VPS13B: variants seen among roughly 807,000 people sequenced by gnomAD.
The protein encoded by VPS13B is vacuolar protein sorting 13 homolog B, also known as intermembrane lipid transfer protein VPS13B.
In VPS13B, 285 loss-of-function variants were observed where a neutral mutation model predicts 426.4. The ratio of observed to expected loss-of-function variants is 0.67; its 90% CI spans 0.61 to 0.74. The LOEUF (loss-of-function observed/expected upper bound fraction) is 0.74. Among genes scored for constraint, VPS13B ranks in the 30% least tolerant of loss-of-function variants. VPS13B has a pLI of 0.00. For missense variants in VPS13B, 4,537 were observed against 4,782.6 expected (o/e 0.95, Z 1.51); for synonymous variants, 1,676 against 1,676.4 (o/e 1.00, Z 0.01).
chr8:99,280,271 G>A (rs1455540860), intron 19 of VPS13B, among the ~76,000 whole-genome samples: 1 of 151,964 alleles, frequency 6.6e-6, no homozygotes, highest in Admixed American at 6.6e-5. Flanking sequence ...CAAGATCTCA[G>A]CTCAACTACT....
chr8:99,570,654 A>T (rs1240100011), intron 31 of VPS13B, among the ~76,000 whole-genome samples: 1 of 152,010 alleles, frequency 6.6e-6, no homozygotes, highest in Non-Finnish European at 1.5e-5. Context: ...TTTTATTATC[A>T]AAAGTTCTTG....
At chr8:99,514,617 T>C (rs1204456586) in intron 29 of VPS13B, among the ~76,000 whole-genome samples, 1 of 152,246 alleles carries the variant, frequency 6.6e-6, no homozygotes, top group Middle Eastern at 3.2e-3. Flanking sequence ...CAGAACTTCA[T>C]TCCTTGCTAT....
intron 61 of VPS13B, among the ~76,000 whole-genome samples, chr8:99,871,934 CCAG>C (rs1205110478): frequency 2.0e-5 from 3 of 152,362 alleles, no homozygotes; most frequent in Middle Eastern, 3.4e-3. Context: ...CAGCAGGCGG[CCAG>C]CAGGACTCAA....
At chr8:99,511,082 T>C (rs765602087) in intron 28 of VPS13B, 22 bp from the exon 29 acceptor site, 1 of 1,610,156 alleles carries the variant, frequency 6.2e-7, no homozygotes, top group South Asian at 1.1e-5. Context: ...CTGTGTATTG[T>C]GATTTCCTTT....
chr8:99,016,419 T>C (rs1053222058), intron 2 of VPS13B, among the ~76,000 whole-genome samples: 3 of 152,072 alleles, frequency 2.0e-5, no homozygotes, highest in Non-Finnish European at 4.4e-5. Context: ...TTCTAGTGGG[T>C]GTGTAGTGAT....
At chr8:99,473,739 T>G (rs1354883063) in intron 24 of VPS13B, among the ~76,000 whole-genome samples, 1 of 152,192 alleles carries the variant, frequency 6.6e-6, no homozygotes, top group Non-Finnish European at 1.5e-5. Context: ...ATGTAACATA[T>G]TTTATAGAAA....
At chr8:99,042,768 A>C (rs1358540097) in intron 3 of VPS13B, among the ~76,000 whole-genome samples, 2 of 152,284 alleles carry the variant, frequency 1.3e-5, no homozygotes, top group East Asian at 3.9e-4. Context: ...ATTACAATCA[A>C]GAGCCACTGA....
At chr8:99,637,095 C>T (rs1036706628) in intron 33 of VPS13B, among the ~76,000 whole-genome samples, 1 of 151,888 alleles carries the variant, frequency 6.6e-6, no homozygotes, top group African/African-American at 2.4e-5. Flanking sequence ...ATTATTAGTC[C>T]CCTTGGACAA....
intron 17 of VPS13B, among the ~76,000 whole-genome samples, chr8:99,199,026 C>T (rs1814125653): frequency 6.6e-6 from 1 of 152,060 alleles, no homozygotes; most frequent in Admixed American, 6.6e-5. Flanking sequence ...CACTGTTAAG[C>T]TTTGTTTAAT....
At chr8:99,446,804 A>G (rs1817943132) in intron 23 of VPS13B, among the ~76,000 whole-genome samples, 1 of 152,208 alleles carries the variant, frequency 6.6e-6, no homozygotes, top group Admixed American at 6.5e-5. Context: ...GTACCTGAAT[A>G]GAGATCAAGA....
intron 19 of VPS13B, chr8:99,348,320 A>T (rs576696623): frequency 6.6e-6 from 1 of 152,208 alleles, no homozygotes; most frequent in Non-Finnish European, 1.5e-5. Context: ...AGAGTTCTCT[A>T]TTTCGTACAA....
intron 21 of VPS13B, among the ~76,000 whole-genome samples, chr8:99,401,220 T>C (rs1482630488): frequency 6.6e-6 from 1 of 152,228 alleles, no homozygotes; most frequent in East Asian, 1.9e-4. Context: ...TCATCTTCCT[T>C]GTAAAATGAG....
chr8:99,136,703 G>T lies in VPS13B; in HGVS notation c.1602G>T (p.Gly534=), dbSNP rs1266552493. Residue 534 remains glycine (G), a synonymous_variant, in exon 12 of 62, where the codon GGG becomes GGT. Transcript: ENST00000357162. ...AGATAGCTGGAATGCAACGGTTTGG[G>T]GCTTTTTATATGGATTACCTGTATA... is the stretch of plus-strand genomic sequence containing the variant. The part of the protein sequence containing the change: ...YTEIAGMQRF[G]AFYMDYLYTM... The T allele has an allele frequency of 6.2e-7, 1 of 1,613,490 alleles. No individual in the cohort carries two copies. The highest frequency in any genetic ancestry group is 2.2e-5 in the East Asian group (1 of 44,816).
intron 35 of VPS13B, among the ~76,000 whole-genome samples, chr8:99,662,090 A>G (rs1387204970): frequency 1.3e-5 from 2 of 152,208 alleles, no homozygotes; most frequent in Non-Finnish European, 2.9e-5. Context: ...TAAGGAAGCT[A>G]AGACTTAGAA....
At chr8:99,766,503 A>G (rs1255024507) in intron 39 of VPS13B, among the ~76,000 whole-genome samples, 1 of 152,190 alleles carries the variant, frequency 6.6e-6, no homozygotes, top group Non-Finnish European at 1.5e-5. Flanking sequence ...ATGGGTTTAT[A>G]ATACATTTAA....
chr8:99,668,217 A>G (rs1265436064), intron 35 of VPS13B, among the ~76,000 whole-genome samples: 1 of 152,024 alleles, frequency 6.6e-6, no homozygotes, highest in Non-Finnish European at 1.5e-5. Context: ...TTAACCAGGC[A>G]TGGTGATATG....
chr8:99,717,448 A>G (rs1832970006), intron 37 of VPS13B, 75 bp downstream of exon 37: 2 of 1,341,828 alleles, frequency 1.5e-6, no homozygotes, highest in South Asian at 2.5e-5. Context: ...TGTTTCACTA[A>G]ATTTTAAATC....
intron 5 of VPS13B, among the ~76,000 whole-genome samples, chr8:99,104,987 C>G (rs1206679675): frequency 5.3e-5 from 8 of 152,212 alleles, no homozygotes; most frequent in African/African-American, 1.9e-4. Flanking sequence ...TCATATATTC[C>G]TTTATTCATC....
intron 52 of VPS13B, among the ~76,000 whole-genome samples, chr8:99,833,509 A>G (rs1588762731): frequency 1.3e-5 from 2 of 152,220 alleles, no homozygotes; most frequent in South Asian, 2.1e-4. Flanking sequence ...TAAGTTATTC[A>G]TAATGGTAAG....
Sources: allele counts gnomAD v4.1 joint callset (sites outside exome capture counted in the v4.1 genomes callset), GRCh38; gene constraint gnomAD v4.1.1; transcripts MANE v1.5; gene names NCBI Gene and HGNC (gene_info 2026-07-23, HGNC 2026-07-21).